PAN3: variants seen among roughly 807,000 people sequenced by gnomAD.
PAN3 encodes poly(A) specific ribonuclease subunit PAN3.
A neutral mutation model predicts 96.2 loss-of-function variants in PAN3; 19 were observed. The observed-to-expected ratio is 0.20, with a 90% CI of 0.14 to 0.29. The LOEUF (loss-of-function observed/expected upper bound fraction) is 0.29. Among genes scored for constraint, PAN3 ranks in the 10% least tolerant of loss-of-function variants. The pLI is 1.00. For missense variants in PAN3, 882 were observed against 1,108.1 expected, an observed-to-expected ratio of 0.80 and a Z score of 2.90; for synonymous variants, 433 against 406.6, an observed-to-expected ratio of 1.06 and a Z score of -0.78.
In PAN3 at chr13:28,277,309, G is replaced by A. The variant is rs766460533; in HGVS notation, c.2122G>A (p.Glu708Lys). ...ACNSLAGIQRENLQKAMELVT... is the reference protein window; with the variant it reads ...ACNSLAGIQRKNLQKAMELVT... Reference sequence around the variant, plus strand: ...CAACTCTTTGGCAGGAATTCAGCGAGAGAATTTACAGAAAGCCATGGAACT... The same window carrying A: ...CAACTCTTTGGCAGGAATTCAGCGAAAGAATTTACAGAAAGCCATGGAACT... The change falls in exon 15 of 19, where the codon GAG (glutamate) becomes AAG (lysine). Residue 708 changes from glutamate to lysine, a missense_variant. Glu to Lys is a moderately conservative substitution (Grantham distance 56). Transcript: ENST00000380958. 1 of 1,613,498 alleles carries A rather than the reference G, an allele frequency of 6.2e-7. No individual in the cohort carries two copies. Among genetic ancestry groups the A allele is most frequent in the African/African-American group, 1.3e-5 (1 of 74,908 alleles).
intron 14 of PAN3, among the ~76,000 whole-genome samples, chr13:28,272,493 T>C (rs1171666979): frequency 2.6e-5 from 4 of 152,044 alleles, no homozygotes; most frequent in Non-Finnish European, 4.4e-5. Context: ...CCAGGCTGTA[T>C]TTCTTAACCA....
chr13:28,228,988 CAG>C (rs1168024043), intron 6 of PAN3, among the ~76,000 whole-genome samples: 2 of 152,140 alleles, frequency 1.3e-5, no homozygotes, highest in Non-Finnish European at 2.9e-5. Context: ...ATAAGGGACA[CAG>C]GGGAAGAGCT....
intron 6 of PAN3, among the ~76,000 whole-genome samples, chr13:28,244,143 TTA>T (rs1883951776): frequency 6.6e-6 from 1 of 152,332 alleles, no homozygotes; most frequent in Admixed American, 6.5e-5. Context: ...TCTGTTTTCT[TTA>T]TGATTTTAAG....
At chr13:28,235,921 A>C (rs964036391) in intron 6 of PAN3, among the ~76,000 whole-genome samples, 4 of 149,882 alleles carry the variant, frequency 2.7e-5, no homozygotes, top group African/African-American at 9.8e-5. Context: ...TGTGGTTGCT[A>C]CAGGCTGGTG....
intron 1 of PAN3, among the ~76,000 whole-genome samples, chr13:28,143,077 T>C (rs953199133): frequency 3.9e-5 from 6 of 152,212 alleles, no homozygotes; most frequent in African/African-American, 1.2e-4. Flanking sequence ...TTCAACCTTA[T>C]AAGGAAACTG....
At chr13:28,216,496 TTAAA>T (rs1880791398) in intron 5 of PAN3, among the ~76,000 whole-genome samples, 1 of 152,154 alleles carries the variant, frequency 6.6e-6, no homozygotes, top group African/African-American at 2.4e-5. Context: ...TAATTGTATC[TTAAA>T]TAAAGTTGTT....
chr13:28,170,428 C>G (rs1874150085), intron 1 of PAN3, among the ~76,000 whole-genome samples: 1 of 152,126 alleles, frequency 6.6e-6, no homozygotes, highest in Non-Finnish European at 1.5e-5. Context: ...CTTAAAAATT[C>G]TATTAAGACA....
At position 28,267,461 on chromosome 13, in the gene PAN3, A is replaced by C; in HGVS notation, c.1792+60A>C. On this transcript the variant is annotated intron_variant, in intron 12 of 18. Transcript: ENST00000380958. The stretch of plus-strand genomic sequence containing the variant: ...TAATGCTTTTGCTCTGTGGAAGAGT[A>C]GTTTTCTATTTTAAAATACGTATAA... 3.0e-6 allele frequency: 4 copies of C among 1,345,600 alleles called. No individual in the cohort carries two copies. In the South Asian group the frequency reaches 4.9e-5, roughly 17 times the overall value. The allele number at this position is 1,345,600 out of a possible 1,614,324, so 83.4% of individuals were successfully genotyped here.
At chr13:28,203,994 G>T (rs1879062783) in intron 5 of PAN3, among the ~76,000 whole-genome samples, 3 of 151,772 alleles carry the variant, frequency 2.0e-5, no homozygotes, top group African/African-American at 7.3e-5. Flanking sequence ...ATAGAAATGG[G>T]GTTTCACCGT....
At chr13:28,257,028 G>T (rs1885203280) in intron 7 of PAN3, among the ~76,000 whole-genome samples, 1 of 152,172 alleles carries the variant, frequency 6.6e-6, no homozygotes. Context: ...GGGGCCTGCA[G>T]TATGGCTCTT....
At chr13:28,216,280 A>G (rs536690210) in intron 5 of PAN3, among the ~76,000 whole-genome samples, 273 of 152,052 alleles carry the variant, frequency 1.8e-3, no homozygotes, top group African/African-American at 6.2e-3. Flanking sequence ...AGACTAATTC[A>G]TAGTGACAGA....
chr13:28,225,371 G>A (rs181226754), intron 6 of PAN3, among the ~76,000 whole-genome samples: 3 of 152,138 alleles, frequency 2.0e-5, no homozygotes, highest in African/African-American at 7.2e-5. Context: ...AAAGTTCTGT[G>A]CCAAAAAACA....
intron 6 of PAN3, among the ~76,000 whole-genome samples, chr13:28,231,469 T>C (rs1882549627): frequency 6.6e-6 from 1 of 152,174 alleles, no homozygotes; most frequent in Non-Finnish European, 1.5e-5. Flanking sequence ...ATACATTTTA[T>C]GAGAAAGCTT....
intron 5 of PAN3, among the ~76,000 whole-genome samples, chr13:28,211,405 G>A (rs1191422454): frequency 6.6e-6 from 1 of 152,172 alleles, no homozygotes; most frequent in Non-Finnish European, 1.5e-5. Flanking sequence ...ACTGTGACTT[G>A]GTGCTTCAAA....
intron 4 of PAN3, among the ~76,000 whole-genome samples, chr13:28,191,927 A>ACCCCAACAAAG (rs1459077545): frequency 2.0e-5 from 3 of 151,868 alleles, no homozygotes; most frequent in Admixed American, 2.0e-4. Flanking sequence ...TTTTGTAAAG[A>ACCCCAACAAAG]TGGGGTCCCA....
intron 1 of PAN3, among the ~76,000 whole-genome samples, chr13:28,167,944 T>C (rs1873807522): frequency 6.6e-6 from 1 of 152,258 alleles, no homozygotes; most frequent in South Asian, 2.1e-4. Context: ...TAGTGATTTA[T>C]CCTGTCAAAT....
chr13:28,232,004 G>A (rs190917433), intron 6 of PAN3, among the ~76,000 whole-genome samples: 29 of 152,174 alleles, frequency 1.9e-4, no homozygotes, highest in African/African-American at 5.8e-4. Flanking sequence ...ATCAGTTCAT[G>A]GTGTTATAAT....
intron 1 of PAN3, among the ~76,000 whole-genome samples, chr13:28,167,943 A>G (rs1244853865): frequency 6.6e-6 from 1 of 152,260 alleles, no homozygotes; most frequent in Admixed American, 6.5e-5. Context: ...TTAGTGATTT[A>G]TCCTGTCAAA....
chr13:28,276,222 A>C (rs1887048054), intron 14 of PAN3, among the ~76,000 whole-genome samples: 1 of 152,188 alleles, frequency 6.6e-6, no homozygotes, highest in African/African-American at 2.4e-5. Context: ...TAAGCTTCTC[A>C]AGTGATGGTA....
Sources: allele counts gnomAD v4.1 joint callset (sites outside exome capture counted in the v4.1 genomes callset), GRCh38; gene constraint gnomAD v4.1.1; transcripts MANE v1.5; gene names NCBI Gene and HGNC (gene_info 2026-07-23, HGNC 2026-07-21).